Variants in VPS13A observed in about 807,000 individuals in gnomAD.
The protein encoded by VPS13A is intermembrane lipid transfer protein VPS13A.
Under a neutral mutation model 390.9 loss-of-function variants are expected in VPS13A, and 264 were observed. The ratio of observed to expected loss-of-function variants is 0.68; its 90% CI spans 0.61 to 0.75. The LOEUF (loss-of-function observed/expected upper bound fraction) is 0.75. VPS13A is among the 30% of genes least tolerant of loss of function. The pLI, the probability that VPS13A is intolerant of heterozygous loss-of-function variation, is 0.00. For synonymous variants in VPS13A, 1,231 were observed against 1,227.1 expected, an observed-to-expected ratio of 1.00 and a Z score of -0.07; for missense variants, 3,409 against 3,733.9, an observed-to-expected ratio of 0.91 and a Z score of 2.27.
chr9:77,196,454 C>T (rs912856195), intron 1 of VPS13A, among the ~76,000 whole-genome samples: 6 of 152,106 alleles, frequency 3.9e-5, no homozygotes, highest in African/African-American at 9.7e-5. Flanking sequence ...TAACTTTATT[C>T]TCATTGACCA....
At chr9:77,232,842 C>A (rs1483221736) in intron 17 of VPS13A, among the ~76,000 whole-genome samples, 1 of 152,132 alleles carries the variant, frequency 6.6e-6, no homozygotes, top group Non-Finnish European at 1.5e-5. Context: ...ATGGGAGCTA[C>A]AATTCAAGAT....
chr9:77,253,507 G>A (rs930083469), intron 22 of VPS13A, among the ~76,000 whole-genome samples: 12 of 152,132 alleles, frequency 7.9e-5, no homozygotes, highest in East Asian at 1.9e-4. Context: ...GGATTTCACC[G>A]TGTTAGCCAG....
intron 68 of VPS13A, among the ~76,000 whole-genome samples, chr9:77,391,840 G>C (rs1833912575): frequency 6.6e-6 from 1 of 152,148 alleles, no homozygotes; most frequent in African/African-American, 2.4e-5. Context: ...TGGTAGCATA[G>C]TTTATATGAA....
At chr9:77,207,556 G>A (rs1825754359) in intron 5 of VPS13A, among the ~76,000 whole-genome samples, 2 of 151,346 alleles carry the variant, frequency 1.3e-5, no homozygotes, top group Admixed American at 1.3e-4. Context: ...AAATAAAGTG[G>A]CTTTAAGTAT....
intron 67 of VPS13A, among the ~76,000 whole-genome samples, chr9:77,381,564 T>C (rs1833437179): frequency 6.6e-6 from 1 of 152,104 alleles, no homozygotes; most frequent in South Asian, 2.1e-4. Flanking sequence ...CAATGAACTT[T>C]CTTGACTTGT....
At position 77,377,216 on chromosome 9, in the gene VPS13A, T is replaced by TTTG. The variant is rs1554675569; in HGVS notation, c.9078-4758_9078-4757insGTT. Among the ~76,000 whole-genome samples, 4 of 130,354 alleles carry TTTG rather than the reference T, an allele frequency of 3.1e-5. 1 individual carries two copies. Among genetic ancestry groups the TTTG allele is most frequent in the Non-Finnish European group, 6.5e-5 (4 of 61,694 alleles). The allele number at this position is 130,354 out of a possible 152,430, so 85.5% of individuals were successfully genotyped here. On this transcript the variant is annotated intron_variant, in intron 67 of 71. Transcript: ENST00000360280. ...ATTTTTGATGCTGTTTTTTTTTTTT[T>TTTG]TTTTTTTTTTTTTTGAGACGGAGTC...
chr9:77,321,663 G>A lies in VPS13A; in HGVS notation c.5747G>A (p.Ser1916Asn), dbSNP rs73467962. The change falls in exon 44 of 72, where the codon AGT becomes AAT. Residue 1916 changes from serine (S) to asparagine (N), a missense_variant. Physicochemically the swap from Ser to Asn is conservative, Grantham distance 46. Coordinates refer to ENST00000360280, the MANE Select transcript of VPS13A (RefSeq NM_033305.3). ...GTATTGAAAAATGGAGAAAGTTTAA[G>A]TATGGATTATATCCGAACCAAGGAC... ...SYVLKNGESL[S>N]MDYIRTKDND... 2.4e-3 allele frequency: 3,826 copies of A among 1,613,270 alleles called. 89 individuals carry two copies. The African/African-American group carries it at 0.045, about 19-fold the overall frequency.
At chr9:77,314,375 C>A in intron 36 of VPS13A, 120 bp from the exon 37 acceptor site, 1 of 1,114,842 alleles carries the variant, frequency 9.0e-7, no homozygotes, top group Non-Finnish European at 1.3e-6. Flanking sequence ...TAGAGCCCTT[C>A]GGAGACAGAA....
Position 77,283,341 on chromosome 9 carries a change from A to G in VPS13A, c.3119-14A>G. ...TTTTTCCTCATGTTTTATAATATGA[A>G]TTTTTTTTTGCAGCTTTAAAACTAT... On this transcript the variant is annotated splice_polypyrimidine_tract_variant and intron_variant, in intron 29 of 71. Coordinates refer to ENST00000360280, the MANE Select transcript of VPS13A (RefSeq NM_033305.3). 2 of 1,443,910 alleles carry G rather than the reference A, an allele frequency of 1.4e-6. No individual in the cohort carries two copies. The highest frequency in any genetic ancestry group is 1.9e-6 in the Non-Finnish European group (2 of 1,032,300). 89.4% of individuals were successfully genotyped at this position (1,443,910 alleles called of 1,614,324 possible).
At chr9:77,335,445 T>C (rs530904959) in intron 46 of VPS13A, among the ~76,000 whole-genome samples, 10 of 152,250 alleles carry the variant, frequency 6.6e-5, no homozygotes, top group Non-Finnish European at 1.3e-4. Context: ...GAGAAATTTT[T>C]GCAGTCTATC....
intron 67 of VPS13A, among the ~76,000 whole-genome samples, chr9:77,374,359 A>G (rs908837529): frequency 2.0e-5 from 3 of 152,236 alleles, no homozygotes; most frequent in African/African-American, 7.2e-5. Context: ...AAAGTAAAAT[A>G]AACGTTACTT....
chr9:77,302,435 C>T (rs1219665328), intron 33 of VPS13A, among the ~76,000 whole-genome samples: 21 of 126,322 alleles, frequency 1.7e-4, no homozygotes, highest in Non-Finnish European at 2.2e-4. Context: ...TGCAGTGGTG[C>T]GATCTCGGCT....
At position 77,339,649 on chromosome 9, in the gene VPS13A, T is replaced by A. The variant is rs563499018; in HGVS notation, c.6512T>A (p.Ile2171Lys). ...CACGATTGGAAAAGTGAATATCACA[T>A]AAAGCCTAATCAGCAAGACATTAGT... ...LNHDWKSEYHIKPNQQDISFV... is the reference protein window; with the variant it reads ...LNHDWKSEYHKKPNQQDISFV... The change falls in exon 48 of 72, where the codon ATA (isoleucine) becomes AAA (lysine). Residue 2171 changes from isoleucine to lysine, a missense_variant. Transcript: ENST00000360280. 1 of 1,614,032 alleles carries A rather than the reference T, an allele frequency of 6.2e-7. No homozygotes were observed. Among genetic ancestry groups the A allele is most frequent in the African/African-American group, 1.3e-5 (1 of 75,056 alleles).
chr9:77,318,616 A>G (rs778038048), intron 41 of VPS13A, 25 bp downstream of exon 41: 1 of 1,523,696 alleles, frequency 6.6e-7, no homozygotes, highest in East Asian at 2.3e-5. Flanking sequence ...CCAGTTTTAT[A>G]ACAGATAATG....
chr9:77,194,062 C>T (rs1346945189), intron 1 of VPS13A, among the ~76,000 whole-genome samples: 2 of 152,002 alleles, frequency 1.3e-5, no homozygotes, highest in Admixed American at 6.6e-5. Context: ...ATGGTGGGGC[C>T]GGCAAAAGTG....
At chr9:77,383,058 CTGT>C (rs1254991236) in intron 68 of VPS13A, 1 of 981,828 alleles carries the variant, frequency 1.0e-6, no homozygotes, top group African/African-American at 1.8e-5. Flanking sequence ...TAGCAATAAA[CTGT>C]TGGAATATGA....
At chr9:77,273,487 T>A in intron 24 of VPS13A, 123 bp downstream of exon 24, 1 of 740,524 alleles carries the variant, frequency 1.4e-6, no homozygotes, top group Non-Finnish European at 2.2e-6. Flanking sequence ...AAAATCTAGG[T>A]TCTTGACTGA....
intron 1 of VPS13A, among the ~76,000 whole-genome samples, chr9:77,198,258 C>T (rs901823818): frequency 1.1e-4 from 16 of 151,972 alleles, no homozygotes; most frequent in Non-Finnish European, 1.8e-4. Context: ...AAAAATGTTT[C>T]CTCCAGAACC....
At chr9:77,355,155 A>G (rs2131550192) in intron 54 of VPS13A, among the ~76,000 whole-genome samples, 2 of 152,316 alleles carry the variant, frequency 1.3e-5, no homozygotes, top group South Asian at 4.1e-4. Context: ...GGAACTTAAC[A>G]TATCCTGTGT....
Sources: allele counts gnomAD v4.1 joint callset (sites outside exome capture counted in the v4.1 genomes callset), GRCh38; gene constraint gnomAD v4.1.1; transcripts MANE v1.5; gene names NCBI Gene and HGNC (gene_info 2026-07-23, HGNC 2026-07-21).